The following PIK3C2G variants were observed in gnomAD, a reference collection of about 807,000 sequenced individuals.
PIK3C2G encodes the protein phosphatidylinositol-4-phosphate 3-kinase catalytic subunit type 2 gamma, also known as phosphatidylinositol 3-kinase C2 domain-containing subunit gamma.
A neutral mutation model predicts 181.1 loss-of-function variants in PIK3C2G; 168 were observed. That is an observed-to-expected ratio of 0.93 (90% CI 0.82 to 1.05). The LOEUF (loss-of-function observed/expected upper bound fraction) is 1.05. Among genes scored for constraint, PIK3C2G ranks in the 50% least tolerant of loss-of-function variants. PIK3C2G has a pLI of 0.00. For synonymous variants in PIK3C2G, 573 were observed against 592.2 expected, an observed-to-expected ratio of 0.97 and a Z score of 0.47; for missense variants, 1,869 against 1,732.8, an observed-to-expected ratio of 1.08 and a Z score of -1.40.
chr12:18,726,004 T>C, the PIK3C2G span, among the ~76,000 whole-genome samples: 3 of 152,186 alleles, frequency 2.0e-5, no homozygotes, highest in Non-Finnish European at 4.4e-5. Context: ...CATTCTAGAA[T>C]TGCCTCAGAC....
intron 26 of PIK3C2G, among the ~76,000 whole-genome samples, chr12:18,551,452 G>C (rs75484912): frequency 0.045 from 6,839 of 152,074 alleles, 347 homozygotes; most frequent in African/African-American, 0.13. Context: ...CTCCCACATA[G>C]AGATAGTGCT....
chr12:18,276,971 G>A (rs1031110683), intron 1 of PIK3C2G, among the ~76,000 whole-genome samples: 11 of 152,078 alleles, frequency 7.2e-5, no homozygotes, highest in South Asian at 2.1e-4. Context: ...TCAATTGTTC[G>A]CATAAAAGGG....
chr12:18,650,537 A>G (rs1345003957), downstream of PIK3C2G, among the ~76,000 whole-genome samples: 4 of 150,210 alleles, frequency 2.7e-5, no homozygotes, highest in Admixed American at 6.6e-5. Context: ...GCTCATTTAC[A>G]TTACCATATA....
chr12:18,310,659 A>G (rs1950599495), intron 5 of PIK3C2G, among the ~76,000 whole-genome samples: 1 of 151,950 alleles, frequency 6.6e-6, no homozygotes, highest in South Asian at 2.1e-4. Context: ...AAAGGTGACC[A>G]CCAGAAAGTA....
At chr12:18,412,364 T>C (rs1944910949) in intron 16 of PIK3C2G, among the ~76,000 whole-genome samples, 1 of 152,138 alleles carries the variant, frequency 6.6e-6, no homozygotes, top group Non-Finnish European at 1.5e-5. Flanking sequence ...ATTATTTCCA[T>C]AATAATTCTA....
chr12:18,316,216 C>T (rs1950853837), intron 6 of PIK3C2G, among the ~76,000 whole-genome samples: 1 of 152,106 alleles, frequency 6.6e-6, no homozygotes, highest in Non-Finnish European at 1.5e-5. Flanking sequence ...CAGAGCAAAA[C>T]TATGTGGCTA....
At chr12:18,344,731 G>T (rs1939500398) in intron 10 of PIK3C2G, among the ~76,000 whole-genome samples, 1 of 152,070 alleles carries the variant, frequency 6.6e-6, no homozygotes, top group Non-Finnish European at 1.5e-5. Context: ...CACATAGATT[G>T]TCCTTGCCTC....
chr12:18,571,721 T>G (rs1458387168), intron 29 of PIK3C2G, among the ~76,000 whole-genome samples: 1 of 150,852 alleles, frequency 6.6e-6, no homozygotes, highest in African/African-American at 2.5e-5. Context: ...TTGCTTTACT[T>G]TCATCATTTC....
intron 29 of PIK3C2G, among the ~76,000 whole-genome samples, chr12:18,580,026 G>A (rs1592634782): frequency 6.6e-6 from 1 of 151,882 alleles, no homozygotes; most frequent in Non-Finnish European, 1.5e-5. Flanking sequence ...CCAGCTACTT[G>A]GGAGGCTGAG....
At chr12:18,303,162 TTTC>T (rs752382650) in intron 5 of PIK3C2G, among the ~76,000 whole-genome samples, 72 of 142,896 alleles carry the variant, frequency 5.0e-4, no homozygotes, top group Non-Finnish European at 8.5e-4. Context: ...CTTCTTTCTC[TTTC>T]TTTCTTTCTC....
intron 18 of PIK3C2G, among the ~76,000 whole-genome samples, chr12:18,484,822 T>C (rs1431462834): frequency 6.6e-6 from 1 of 152,192 alleles, no homozygotes; most frequent in Non-Finnish European, 1.5e-5. Context: ...AAATTAACAA[T>C]TATATTTTAG....
At chr12:18,480,715 C>G (rs1462962758) in intron 18 of PIK3C2G, among the ~76,000 whole-genome samples, 1 of 152,080 alleles carries the variant, frequency 6.6e-6, no homozygotes, top group Non-Finnish European at 1.5e-5. Context: ...CATACCATTT[C>G]TAAAAATTTC....
At chr12:18,510,072 C>T (rs991420693) in intron 24 of PIK3C2G, among the ~76,000 whole-genome samples, 7 of 152,078 alleles carry the variant, frequency 4.6e-5, no homozygotes, top group Non-Finnish European at 5.9e-5. Context: ...TGGACTCAGG[C>T]GATCCTCCCA....
intron 31 of PIK3C2G, among the ~76,000 whole-genome samples, chr12:18,619,886 G>A (rs544812030): frequency 4.0e-5 from 6 of 151,666 alleles, no homozygotes; most frequent in African/African-American, 1.5e-4. Flanking sequence ...CACCACTCCC[G>A]GTTAATTTAT....
chr12:18,527,279 T>G (rs1943289995), intron 24 of PIK3C2G, among the ~76,000 whole-genome samples: 1 of 152,206 alleles, frequency 6.6e-6, no homozygotes, highest in Non-Finnish European at 1.5e-5. Context: ...AAATGTCTCC[T>G]AAACATAAGC....
intron 3 of PIK3C2G, among the ~76,000 whole-genome samples, chr12:18,290,375 A>C (rs1949640409): frequency 6.6e-6 from 1 of 152,214 alleles, no homozygotes; most frequent in African/African-American, 2.4e-5. Flanking sequence ...CAAAAATTTT[A>C]AAGAAAATGG....
chr12:18,292,227 A>AATATATATATATATATATATATATAT (rs1555149102), intron 4 of PIK3C2G, among the ~76,000 whole-genome samples: 1 of 48,748 alleles, frequency 2.1e-5, no homozygotes, highest in Non-Finnish European at 3.3e-5. Flanking sequence ...AAAAAAAAAA[A>AATATATATATATATATATATATATAT]ATATATATAT....
chr12:18,364,130 C>A lies in PIK3C2G; in HGVS notation c.1748+1244C>A, dbSNP rs74545093. 1.9e-4 allele frequency among the ~76,000 whole-genome samples: 29 copies of A among 152,272 alleles called. No homozygotes were observed. In the East Asian group the frequency reaches 5.6e-3, roughly 29 times the overall value. The stretch of plus-strand genomic sequence containing the variant: ...TCTGCATCTTTACCTCTAGAATTAA[C>A]CCCATTCCCCGTTCTTGCTATCCAC... On this transcript the variant is annotated intron_variant, in intron 12 of 32. Transcript: ENST00000538779.
chr12:18,607,633 G>A (rs1948101433), intron 30 of PIK3C2G, among the ~76,000 whole-genome samples: 2 of 152,272 alleles, frequency 1.3e-5, no homozygotes, highest in Non-Finnish European at 1.5e-5. Context: ...CAGGACATAG[G>A]CATGGGCGAG....
Sources: allele counts gnomAD v4.1 joint callset (sites outside exome capture counted in the v4.1 genomes callset), GRCh38; gene constraint gnomAD v4.1.1; transcripts MANE v1.5; gene names NCBI Gene and HGNC (gene_info 2026-07-23, HGNC 2026-07-21).